The following SWAP70 variants were observed in gnomAD, a reference collection of about 807,000 sequenced individuals.
SWAP70 encodes switch-associated protein 70.
SWAP70 carries 34 observed loss-of-function variants against 80.2 expected under a neutral mutation model. The observed-to-expected ratio is 0.42, with a 90% CI of 0.32 to 0.56. The LOEUF is 0.56. SWAP70 is among the 20% of genes least tolerant of loss of function. The pLI, the probability that SWAP70 is intolerant of heterozygous loss-of-function variation, is 0.09. For missense variants in SWAP70, 578 were observed against 690.7 expected, an observed-to-expected ratio of 0.84 and a Z score of 1.83; for synonymous variants, 239 against 238.5, an observed-to-expected ratio of 1.00 and a Z score of -0.02.
chr11:9,719,850 T>G (rs1045821509), intron 3 of SWAP70, among the ~76,000 whole-genome samples: 2 of 152,204 alleles, frequency 1.3e-5, no homozygotes, highest in African/African-American at 2.4e-5. Flanking sequence ...AAATTGAACC[T>G]GAAATAGTTT....
chr11:9,701,048 T>A (rs1446241951), intron 2 of SWAP70, among the ~76,000 whole-genome samples: 1 of 152,232 alleles, frequency 6.6e-6, no homozygotes, highest in African/African-American at 2.4e-5. Flanking sequence ...AAGTAATTTT[T>A]ACGGTTGGTT....
intron 1 of SWAP70, among the ~76,000 whole-genome samples, chr11:9,669,875 C>T (rs550415230): frequency 2.6e-5 from 4 of 152,114 alleles, no homozygotes; most frequent in Admixed American, 6.6e-5. Flanking sequence ...CACCTGTAAT[C>T]CCAGCACTTT....
chr11:9,732,451 C>T, intron 6 of SWAP70, 78 bp from the exon 7 acceptor site: 1 of 1,396,496 alleles, frequency 7.2e-7, no homozygotes, highest in Non-Finnish European at 9.8e-7. Flanking sequence ...TTTCTTCCCA[C>T]TGTGCCATTT....
intron 6 of SWAP70, among the ~76,000 whole-genome samples, chr11:9,730,218 C>T (rs1034512975): frequency 5.9e-5 from 9 of 151,348 alleles, no homozygotes; most frequent in African/African-American, 2.2e-4. Flanking sequence ...AGGCCGAGTG[C>T]GGTGGCTCAT....
At chr11:9,683,005 A>G (rs1295316579) in intron 1 of SWAP70, among the ~76,000 whole-genome samples, 3 of 152,264 alleles carry the variant, frequency 2.0e-5, no homozygotes, top group Admixed American at 1.3e-4. Flanking sequence ...AAATTAAAGT[A>G]GAACTGAGGG....
At chr11:9,669,917 C>T (rs1050937216) in intron 1 of SWAP70, among the ~76,000 whole-genome samples, 3 of 152,112 alleles carry the variant, frequency 2.0e-5, no homozygotes, top group African/African-American at 7.2e-5. Flanking sequence ...CATCTGAGGT[C>T]AGGAGTTCAA....
chr11:9,729,297 T>C (rs904462049), intron 5 of SWAP70, 46 bp from the exon 6 acceptor site: 11 of 1,163,420 alleles, frequency 9.5e-6, no homozygotes, highest in African/African-American at 9.3e-5. Context: ...TGAATTTCAT[T>C]TAAATACTTA....
intron 1 of SWAP70, among the ~76,000 whole-genome samples, chr11:9,681,669 CT>C (rs1366482307): frequency 1.3e-5 from 2 of 152,080 alleles, no homozygotes; most frequent in African/African-American, 4.8e-5. Flanking sequence ...CCTTGTAGAG[CT>C]TAAAATCTTG....
intron 9 of SWAP70, among the ~76,000 whole-genome samples, chr11:9,746,045 C>A (rs529282497): frequency 6.6e-6 from 1 of 152,312 alleles, no homozygotes; most frequent in Admixed American, 6.5e-5. Context: ...GCAGTGCCAT[C>A]GCTCCTGCTG....
At chr11:9,703,602 G>C (rs1301582880) in intron 2 of SWAP70, among the ~76,000 whole-genome samples, 1 of 152,186 alleles carries the variant, frequency 6.6e-6, no homozygotes, top group Admixed American at 6.5e-5. Context: ...GCAGCAGCCT[G>C]TGCTTTTCCT....
intron 9 of SWAP70, among the ~76,000 whole-genome samples, chr11:9,743,090 C>T: frequency 7.0e-6 from 1 of 141,922 alleles, no homozygotes; most frequent in Admixed American, 7.2e-5. Flanking sequence ...TGATGTTCCC[C>T]TTCCTGTGTC....
At chr11:9,678,373 T>G (rs984021197) in intron 1 of SWAP70, among the ~76,000 whole-genome samples, 2 of 151,968 alleles carry the variant, frequency 1.3e-5, no homozygotes, top group Non-Finnish European at 2.9e-5. Context: ...AAGAGAAAAT[T>G]ACACATTTAG....
intron 1 of SWAP70, 43 bp downstream of exon 1, chr11:9,664,321 C>T (rs201313970): frequency 6.5e-7 from 1 of 1,536,348 alleles, no homozygotes; most frequent in Non-Finnish European, 8.8e-7. Flanking sequence ...CCCTCCCCGG[C>T]GCGCTCTGTA....
chr11:9,666,088 T>C (rs1463110805), intron 1 of SWAP70, among the ~76,000 whole-genome samples: 1 of 151,434 alleles, frequency 6.6e-6, no homozygotes, highest in African/African-American at 2.4e-5. Context: ...TTTAGTTTTT[T>C]GTTTTTTTTT....
intron 4 of SWAP70, chr11:9,726,838 G>A (rs1447532366): frequency 2.2e-6 from 1 of 455,886 alleles, no homozygotes; most frequent in Non-Finnish European, 4.4e-6. Flanking sequence ...TACAGAACTA[G>A]TGAGTGTGAG....
At chr11:9,677,214 A>G (rs761209409) in intron 1 of SWAP70, among the ~76,000 whole-genome samples, 1 of 152,156 alleles carries the variant, frequency 6.6e-6, no homozygotes, top group Non-Finnish European at 1.5e-5. Flanking sequence ...TTTGAAGTAG[A>G]AGCAATAATT....
At chr11:9,673,038 A>T (rs1220448694) in intron 1 of SWAP70, among the ~76,000 whole-genome samples, 2 of 152,294 alleles carry the variant, frequency 1.3e-5, no homozygotes, top group East Asian at 3.9e-4. Context: ...GTAAGCAATC[A>T]GTTCTGCAGT....
chr11:9,680,182 G>A (rs990787204), intron 1 of SWAP70, among the ~76,000 whole-genome samples: 1 of 152,144 alleles, frequency 6.6e-6, no homozygotes, highest in South Asian at 2.1e-4. Flanking sequence ...AGGATTGTGT[G>A]ATGTAGTCAA....
intron 1 of SWAP70, among the ~76,000 whole-genome samples, chr11:9,672,034 TA>T (rs1850419499): frequency 1.6e-5 from 2 of 122,058 alleles, no homozygotes; most frequent in African/African-American, 6.3e-5. Context: ...TATATTTTAA[TA>T]ATATATTTTA....
Sources: allele counts gnomAD v4.1 joint callset (sites outside exome capture counted in the v4.1 genomes callset), GRCh38; gene constraint gnomAD v4.1.1; transcripts MANE v1.5; gene names NCBI Gene and HGNC (gene_info 2026-07-23, HGNC 2026-07-21).